The following WDR70 variants were observed in gnomAD, a reference collection of about 807,000 sequenced individuals.
WDR70 encodes WD repeat domain 70, also known as WD repeat-containing protein 70.
Under a neutral mutation model 88.6 loss-of-function variants are expected in WDR70, and 53 were observed. The observed-to-expected ratio is 0.60, with a 90% CI of 0.48 to 0.75. The LOEUF (loss-of-function observed/expected upper bound fraction) is 0.75. Ranked by LOEUF, WDR70 falls within the 30% of genes least tolerant of loss-of-function variation. The pLI is 0.00. For missense variants in WDR70, 610 were observed against 823.2 expected (o/e 0.74, Z 3.17); for synonymous variants, 280 against 270.0 (o/e 1.04, Z -0.36).
At chr5:37,420,800 GC>G (rs1376911685) in intron 5 of WDR70, among the ~76,000 whole-genome samples, 2 of 152,222 alleles carry the variant, frequency 1.3e-5, no homozygotes, top group African/African-American at 4.8e-5. Flanking sequence ...TGTAGTCCCA[GC>G]TACTCGGGAG....
chr5:37,501,640 A>G (rs1740408610), intron 8 of WDR70, among the ~76,000 whole-genome samples: 1 of 152,168 alleles, frequency 6.6e-6, no homozygotes, highest in Admixed American at 6.5e-5. Context: ...GTAGGCATAC[A>G]GTTTTATTCT....
At chr5:37,403,830 C>T (rs1194003261) in intron 5 of WDR70, among the ~76,000 whole-genome samples, 2 of 152,050 alleles carry the variant, frequency 1.3e-5, no homozygotes, top group Non-Finnish European at 2.9e-5. Context: ...GCAGCTTCAA[C>T]CTCTTGGGCT....
chr5:37,559,515 G>A (rs1191870397), intron 9 of WDR70, among the ~76,000 whole-genome samples: 1 of 152,088 alleles, frequency 6.6e-6, no homozygotes, highest in African/African-American at 2.4e-5. Flanking sequence ...TTATTTGGGT[G>A]TTGATTGCCA....
chr5:37,694,757 G>A (rs191455024), intron 10 of WDR70, among the ~76,000 whole-genome samples: 356 of 152,084 alleles, frequency 2.3e-3, no homozygotes, highest in Middle Eastern at 3.4e-3. Context: ...ATGATGAGTT[G>A]ATGGGTGCAG....
At chr5:37,514,961 A>G (rs1740842279) in intron 8 of WDR70, among the ~76,000 whole-genome samples, 1 of 151,776 alleles carries the variant, frequency 6.6e-6, no homozygotes, top group South Asian at 2.1e-4. Context: ...GGCTACAGTA[A>G]GCTGTGAACA....
chr5:37,624,017 A>G (rs1022421113), intron 10 of WDR70, among the ~76,000 whole-genome samples: 10 of 152,178 alleles, frequency 6.6e-5, no homozygotes, highest in Admixed American at 6.5e-4. Flanking sequence ...AGTAACATTC[A>G]TCATCTCAAA....
intron 8 of WDR70, among the ~76,000 whole-genome samples, chr5:37,499,346 T>G (rs1740325923): frequency 6.6e-6 from 1 of 151,986 alleles, no homozygotes; most frequent in African/African-American, 2.4e-5. Flanking sequence ...ACTCCTGACC[T>G]CAAGTGATCT....
chr5:37,732,584 T>C (rs1748177115), intron 17 of WDR70, among the ~76,000 whole-genome samples: 1 of 152,124 alleles, frequency 6.6e-6, no homozygotes, highest in Non-Finnish European at 1.5e-5. Flanking sequence ...CCTGCATTTT[T>C]ATAATTTTTT....
chr5:37,557,959 T>TTTTAAATCTCTTAAAA, intron 9 of WDR70, among the ~76,000 whole-genome samples: 1 of 146,506 alleles, frequency 6.8e-6, no homozygotes, highest in Non-Finnish European at 1.5e-5. Flanking sequence ...AAAAGAGTAT[T>TTTTAAATCTCTTAAAA]ATGTATATTT....
chr5:37,411,681 A>G (rs1428548883), intron 5 of WDR70, among the ~76,000 whole-genome samples: 3 of 152,024 alleles, frequency 2.0e-5, no homozygotes, highest in Non-Finnish European at 2.9e-5. Flanking sequence ...AGCTGATATC[A>G]TGCCACCGTA....
chr5:37,445,819 C>T (rs1738452149), intron 7 of WDR70, among the ~76,000 whole-genome samples: 1 of 152,064 alleles, frequency 6.6e-6, no homozygotes, highest in African/African-American at 2.4e-5. Context: ...TATGAGAAAC[C>T]CACAGCCAAT....
chr5:37,489,570 G>C, intron 8 of WDR70, among the ~76,000 whole-genome samples: 1 of 151,990 alleles, frequency 6.6e-6, no homozygotes, highest in South Asian at 2.1e-4. Flanking sequence ...AGACTGGGCA[G>C]GGTGAACCCC....
At chr5:37,472,990 A>T (rs944976460) in intron 7 of WDR70, among the ~76,000 whole-genome samples, 14 of 151,828 alleles carry the variant, frequency 9.2e-5, no homozygotes, top group African/African-American at 3.4e-4. Context: ...TTTATCTTAC[A>T]CTTTACCAGT....
intron 5 of WDR70, among the ~76,000 whole-genome samples, chr5:37,426,039 C>T (rs375466518): frequency 1.8e-4 from 28 of 152,156 alleles, no homozygotes; most frequent in African/African-American, 6.5e-4. Context: ...ATTTTAGAGT[C>T]ATCAGCATAT....
chr5:37,457,348 G>T (rs547534736), intron 7 of WDR70, among the ~76,000 whole-genome samples: 1 of 152,114 alleles, frequency 6.6e-6, no homozygotes. Flanking sequence ...CACCCGCCTT[G>T]GCCTCCCAAA....
chr5:37,464,564 G>A (rs189374069), intron 7 of WDR70, among the ~76,000 whole-genome samples: 24 of 152,272 alleles, frequency 1.6e-4, no homozygotes, highest in African/African-American at 5.8e-4. Context: ...GATAAAAGGA[G>A]CATCAACCCC....
chr5:37,741,920 A>G (rs922164236), intron 17 of WDR70, among the ~76,000 whole-genome samples: 2 of 152,168 alleles, frequency 1.3e-5, no homozygotes, highest in Admixed American at 1.3e-4. Context: ...GTTCATCTGT[A>G]TTACAGCATG....
rs763387823 is a variant in WDR70, at chr5:37,701,104, A to C, written c.1239A>C (p.Pro413=). ...KLWDIRQFNK[P]LFSASGLPTM... ...GGGACATCCGACAATTTAATAAACC[A>C]CTTTTTTCAGCCTCGGGTCTTCCCA... The change falls in exon 12 of 18, where the codon CCA becomes CCC. Residue 413 remains proline, a synonymous_variant. Coordinates refer to ENST00000265107, the MANE Select transcript of WDR70 (RefSeq NM_018034.4). 2 of 1,612,648 alleles carry C rather than the reference A, an allele frequency of 1.2e-6. No homozygotes were observed. Among genetic ancestry groups the C allele is most frequent in the Admixed American group, 3.3e-5 (2 of 59,990 alleles).
At chr5:37,507,142 G>C (rs545094003) in intron 8 of WDR70, among the ~76,000 whole-genome samples, 1 of 151,818 alleles carries the variant, frequency 6.6e-6, no homozygotes, top group Admixed American at 6.6e-5. Context: ...TTTAAAAATG[G>C]CTTTGACTAT....
Sources: allele counts gnomAD v4.1 joint callset (sites outside exome capture counted in the v4.1 genomes callset), GRCh38; gene constraint gnomAD v4.1.1; transcripts MANE v1.5; gene names NCBI Gene and HGNC (gene_info 2026-07-23, HGNC 2026-07-21).